ZFAND4: variants seen among roughly 807,000 people sequenced by gnomAD.
ZFAND4 encodes the protein zinc finger AN1-type containing 4, also known as AN1-type zinc finger protein 4.
A neutral mutation model predicts 64.4 loss-of-function variants in ZFAND4; 43 were observed. The ratio of observed to expected loss-of-function variants is 0.67; its 90% CI spans 0.52 to 0.86. The LOEUF (loss-of-function observed/expected upper bound fraction) is 0.86. Among genes scored for constraint, ZFAND4 ranks in the 40% least tolerant of loss-of-function variants. The pLI, the probability that ZFAND4 is intolerant of heterozygous loss-of-function variation, is 0.00. For synonymous variants in ZFAND4, 296 were observed against 305.7 expected, an observed-to-expected ratio of 0.97 and a Z score of 0.33; for missense variants, 929 against 859.8, an observed-to-expected ratio of 1.08 and a Z score of -1.01.
intron 6 of ZFAND4, among the ~76,000 whole-genome samples, chr10:45,630,973 AAAAG>A (rs529971073): frequency 4.0e-5 from 6 of 151,004 alleles, no homozygotes; most frequent in African/African-American, 7.3e-5. Context: ...AAAAAAAAAA[AAAAG>A]AAAGAAAGAA....
chr10:45,669,796 T>C (rs904775552), intron 1 of ZFAND4, among the ~76,000 whole-genome samples: 2 of 152,212 alleles, frequency 1.3e-5, no homozygotes, highest in Non-Finnish European at 1.5e-5. Flanking sequence ...ATTATCTTAA[T>C]AGATGCAGAA....
At chr10:45,618,069 T>G in intron 9 of ZFAND4, 71 bp downstream of exon 9, 1 of 1,510,406 alleles carries the variant, frequency 6.6e-7, no homozygotes, top group Non-Finnish European at 8.9e-7. Context: ...TTTAAATATT[T>G]TATTTTGCAT....
intron 2 of ZFAND4, among the ~76,000 whole-genome samples, chr10:45,662,261 T>G (rs947510858): frequency 1.3e-5 from 2 of 152,214 alleles, no homozygotes; most frequent in Admixed American, 1.3e-4. Context: ...CCACAATGTC[T>G]CCTCCTACAG....
chr10:45,654,586 T>A (rs1274392968), intron 2 of ZFAND4, among the ~76,000 whole-genome samples: 6 of 150,808 alleles, frequency 4.0e-5, no homozygotes, highest in Non-Finnish European at 7.4e-5. Context: ...GCCACTGCAC[T>A]CCAGCCTGGC....
intron 5 of ZFAND4, among the ~76,000 whole-genome samples, chr10:45,641,210 T>A (rs1170730415): frequency 6.6e-6 from 1 of 152,232 alleles, no homozygotes; most frequent in Non-Finnish European, 1.5e-5. Context: ...ATTTTTTCTA[T>A]AATGGGAAAA....
chr10:45,649,329 G>C (rs772113255), intron 4 of ZFAND4, among the ~76,000 whole-genome samples: 9 of 152,062 alleles, frequency 5.9e-5, no homozygotes, highest in Non-Finnish European at 1.2e-4. Context: ...TAGAACGTGA[G>C]GGGGGTCACT....
At chr10:45,618,376 T>A in intron 8 of ZFAND4, 116 bp from the exon 9 acceptor site, 1 of 1,261,254 alleles carries the variant, frequency 7.9e-7, no homozygotes, top group Non-Finnish European at 1.1e-6. Context: ...CCATAAAAAT[T>A]AATTTGTGCT....
In ZFAND4 at chr10:45,653,102, A is replaced by G. The variant is rs760594077; in HGVS notation, c.185-43T>C. 18 of 1,377,898 alleles carry G rather than the reference A, an allele frequency of 1.3e-5. No homozygotes were observed. The Admixed American group carries it at 3.2e-4, about 24-fold the overall frequency. The allele number at this position is 1,377,898 out of a possible 1,614,324, so 85.4% of individuals were successfully genotyped here. A position where few individuals can be genotyped will look rare whatever the true frequency, so the allele number is the denominator to read the frequency against. On this transcript the variant is annotated intron_variant, in intron 2 of 9. Transcript: ENST00000344646. Reference sequence around the variant, plus strand: ...AAAAAAAAGTGTTAAAGAATTCAATAGCATCTCCAAAAGAGTATGATACAA... The same window carrying G: ...AAAAAAAAGTGTTAAAGAATTCAATGGCATCTCCAAAAGAGTATGATACAA...
intron 6 of ZFAND4, among the ~76,000 whole-genome samples, chr10:45,635,225 C>CAA (rs1486980850): frequency 1.4e-5 from 1 of 70,638 alleles, no homozygotes; most frequent in Non-Finnish European, 2.9e-5. Context: ...AAAAAAAAAA[C>CAA]AAACAAAAAA....
rs1334644688 is a variant in ZFAND4 at position 45,672,740 on chromosome 10, C to G, written c.-608G>C. 6.6e-6 allele frequency: 1 copy of G among 152,266 alleles called. No individual in the cohort carries two copies. The highest frequency in any genetic ancestry group is 1.9e-4 in the East Asian group (1 of 5,186). The allele number at this position is 152,266 out of a possible 1,614,324, so 9.4% of individuals were successfully genotyped here. Reference sequence around the variant, plus strand: ...AGGTCGACAGGGCCCAACGACCCGGCGAGCAACTTCACGGAAGGCACTGGC... The same window carrying G: ...AGGTCGACAGGGCCCAACGACCCGGGGAGCAACTTCACGGAAGGCACTGGC... On this transcript the variant is annotated 5_prime_UTR_variant, in exon 1 of 10. Coordinates refer to ENST00000344646, the MANE Select transcript of ZFAND4 (RefSeq NM_174890.4).
In ZFAND4 at chr10:45,663,808, A is replaced by AAT; in HGVS notation, c.-85_-84dup. On this transcript the variant is annotated 5_prime_UTR_variant, in exon 2 of 10. An upstream open reading frame in the 5' UTR gains an earlier in-frame stop. Transcript: ENST00000344646. ...AGGCAAACCAGGTTTGAAGATTGGT[A>AAT]ATATATATTGTTGTTCATGTTTTGA... The AAT allele has an allele frequency of 3.3e-6, 4 of 1,214,536 alleles. No homozygotes were observed. The highest frequency in any genetic ancestry group is 4.5e-6 in the Non-Finnish European group (4 of 884,748). 75.2% of individuals were successfully genotyped at this position (1,214,536 alleles called of 1,614,324 possible). A position where few individuals can be genotyped will look rare whatever the true frequency, so the allele number is the denominator to read the frequency against.
intron 1 of ZFAND4, among the ~76,000 whole-genome samples, chr10:45,669,114 GT>G (rs947822526): frequency 7.9e-5 from 12 of 152,234 alleles, no homozygotes; most frequent in Non-Finnish European, 1.6e-4. Flanking sequence ...CTGAGAGCTG[GT>G]TTTTTGAAAA....
At chr10:45,665,070 G>A (rs1246629586) in intron 1 of ZFAND4, among the ~76,000 whole-genome samples, 2 of 152,148 alleles carry the variant, frequency 1.3e-5, no homozygotes, top group Non-Finnish European at 2.9e-5. Flanking sequence ...AGTATGAGTG[G>A]TAAGCCCAAC....
chr10:45,672,493 C>G lies in ZFAND4; in HGVS notation c.-361G>C, dbSNP rs1299406427. On this transcript the variant is annotated 5_prime_UTR_variant, in exon 1 of 10. Transcript: ENST00000344646. ...GCTCCGGTCCCCGGGCAGCAGCGGC[C>G]GGCGTCAGGCCGCAAGGCGAGGGGC... 1 of 152,290 alleles carries G rather than the reference C, an allele frequency of 6.6e-6. No homozygotes were observed. The allele number at this position is 152,290 out of a possible 1,614,324, so 9.4% of individuals were successfully genotyped here.
intron 5 of ZFAND4, among the ~76,000 whole-genome samples, chr10:45,642,423 T>C (rs10900231): frequency 0.98 from 148,465 of 151,824 alleles, 72,680 homozygotes; most frequent in South Asian, 1. Flanking sequence ...CTGGCTAACA[T>C]GGTGAAACCC....
intron 8 of ZFAND4, 72 bp downstream of exon 8, chr10:45,624,511 T>C (rs2045655572): frequency 1.4e-6 from 2 of 1,430,816 alleles, no homozygotes; most frequent in East Asian, 2.3e-5. Flanking sequence ...CATTTCTCTT[T>C]GAAAATTCAA....
intron 6 of ZFAND4, among the ~76,000 whole-genome samples, chr10:45,630,670 G>A (rs749454179): frequency 3.3e-5 from 5 of 151,962 alleles, no homozygotes; most frequent in Admixed American, 6.6e-5. Context: ...AGCTTGCAGC[G>A]AGCCAAGATC....
chr10:45,635,195 C>CAAAAAAAAAAAAAAAAACAAAAA (rs2046470789), intron 6 of ZFAND4, among the ~76,000 whole-genome samples: 1 of 27,626 alleles, frequency 3.6e-5, no homozygotes, highest in Admixed American at 4.8e-4. Context: ...GCCATCTAAG[C>CAAAAAAAAAAAAAAAAACAAAAA]AAAAAAAAAA....
Position 45,618,208 on chromosome 10 carries a change from CTTT to C in ZFAND4, c.1977_1979del (p.Lys662del), listed in dbSNP as rs767507965. The C allele has an allele frequency of 2.0e-5, 33 of 1,613,556 alleles. No homozygotes were observed. Among genetic ancestry groups the C allele is most frequent in the African/African-American group, 1.1e-4 (8 of 75,006 alleles). ...GAAAACAATGATTTGTTGTTTTCTT[CTTT>C]GTCTGAAGAGGGGCTTTCACAGGTG... On this transcript the variant is annotated inframe_deletion, in exon 9 of 10. Transcript: ENST00000344646.
Sources: gnomAD v4.1 joint callset for allele counts (sites outside exome capture counted in the v4.1 genomes callset) on GRCh38, gnomAD v4.1.1 for gene constraint, MANE v1.5 for transcripts, NCBI Gene and HGNC (gene_info 2026-07-23, HGNC 2026-07-21) for gene names.